Variants in FRMD4B observed in about 807,000 individuals in gnomAD.
The protein encoded by FRMD4B is FERM domain containing 4B, also known as FERM domain-containing protein 4B.
Under a neutral mutation model 141.5 loss-of-function variants are expected in FRMD4B, and 74 were observed. The ratio of observed to expected loss-of-function variants is 0.52; its 90% CI spans 0.43 to 0.63. The LOEUF (loss-of-function observed/expected upper bound fraction) is 0.63, where lower values mean the gene tolerates loss of function less well. FRMD4B is among the 30% of genes least tolerant of loss of function. The pLI, the probability that FRMD4B is intolerant of heterozygous loss-of-function variation, is 0.00. For synonymous variants in FRMD4B, 506 were observed against 467.9 expected, an observed-to-expected ratio of 1.08 and a Z score of -1.05; for missense variants, 1,366 against 1,253.4, an observed-to-expected ratio of 1.09 and a Z score of -1.36.
chr3:69,480,470 C>T (rs1575585453), intron 1 of FRMD4B, among the ~76,000 whole-genome samples: 3 of 152,316 alleles, frequency 2.0e-5, no homozygotes, highest in Admixed American at 6.5e-5. Context: ...GCCAGAGGTC[C>T]ACTCCGGACG....
intron 1 of FRMD4B, among the ~76,000 whole-genome samples, chr3:69,522,246 G>A (rs991648218): frequency 2.0e-5 from 3 of 151,926 alleles, no homozygotes; most frequent in African/African-American, 7.3e-5. Context: ...ATCTGATGCA[G>A]GTCAGCTTGA....
rs777986635 is a variant in FRMD4B at position 69,182,593 on chromosome 3, C to G, written c.2039+5G>C. 19 of 1,604,412 alleles carry G rather than the reference C, an allele frequency of 1.2e-5. No individual in the cohort carries two copies. In the Admixed American group the frequency reaches 2.3e-4, roughly 20 times the overall value. On this transcript the variant is annotated splice_donor_5th_base_variant and intron_variant, in intron 20 of 22. Transcript: ENST00000398540. ...GCTAAAGCAATGAGAAAGAAGCTCT[C>G]TTACTCCAAGTGGCTGCTGCTGTAG...
At chr3:69,346,534 T>G (rs867318445) in intron 1 of FRMD4B, among the ~76,000 whole-genome samples, 17 of 152,212 alleles carry the variant, frequency 1.1e-4, no homozygotes, top group South Asian at 2.1e-4. Context: ...AATTGTCAGA[T>G]TCACCAAAGT....
rs201658155 is a variant in FRMD4B, at chr3:69,313,408, T to C, written c.228+44A>G. On this transcript the variant is annotated intron_variant, in intron 2 of 22. Transcript: ENST00000398540. ...TGTCCCCGTGAGGGTAAAACCTACCTGGGCAAGACTTATCTGGGCAACACA... is the reference window on the plus strand; with the variant it reads ...TGTCCCCGTGAGGGTAAAACCTACCCGGGCAAGACTTATCTGGGCAACACA... 1.3e-4 allele frequency: 175 copies of C among 1,379,570 alleles called. No individual in the cohort carries two copies. In the African/African-American group the frequency reaches 2.2e-3, roughly 17 times the overall value. The allele number at this position is 1,379,570 out of a possible 1,614,324, so 85.5% of individuals were successfully genotyped here.
At chr3:69,224,100 G>A (rs905586340) in intron 8 of FRMD4B, among the ~76,000 whole-genome samples, 1 of 151,986 alleles carries the variant, frequency 6.6e-6, no homozygotes, top group Non-Finnish European at 1.5e-5. Context: ...AAGGGAAAAC[G>A]TAATTTAGAA....
intron 1 of FRMD4B, among the ~76,000 whole-genome samples, chr3:69,469,919 C>T (rs1220187281): frequency 6.6e-6 from 1 of 152,146 alleles, no homozygotes; most frequent in East Asian, 1.9e-4. Context: ...TATAATTTCA[C>T]CAAATTGCTG....
Position 69,238,645 on chromosome 3 carries a change from G to A in FRMD4B, c.581+10581C>T, listed in dbSNP as rs145093518. Among the ~76,000 whole-genome samples the A allele has an allele frequency of 9.5e-4, 145 of 152,206 alleles. No homozygotes were observed. The Middle Eastern group carries it at 0.014, about 14-fold the overall frequency. ...TGGAAAATACAAAAATTAATCAGAC[G>A]TGGGGTACACACCTGTAGTCCCAGC... is the stretch of plus-strand genomic sequence containing the variant. On this transcript the variant is annotated intron_variant, in intron 7 of 22. Coordinates refer to ENST00000398540, the MANE Select transcript of FRMD4B (RefSeq NM_015123.3).
chr3:69,327,000 G>A (rs1252607842), intron 1 of FRMD4B, among the ~76,000 whole-genome samples: 2 of 152,104 alleles, frequency 1.3e-5, no homozygotes, highest in Non-Finnish European at 2.9e-5. Context: ...CACAGATACT[G>A]TAAACAGGAA....
At chr3:69,182,469 A>T in intron 20 of FRMD4B, 129 bp downstream of exon 20, 1 of 817,986 alleles carries the variant, frequency 1.2e-6, no homozygotes, top group Non-Finnish European at 1.9e-6. Flanking sequence ...TTAGCAGAAA[A>T]TGTAAAACCA....
At chr3:69,484,865 G>A (rs1027108390) in intron 1 of FRMD4B, among the ~76,000 whole-genome samples, 5 of 152,088 alleles carry the variant, frequency 3.3e-5, no homozygotes, top group Admixed American at 6.5e-5. Context: ...TCGTCCATGG[G>A]CAGCCATGGG....
chr3:69,471,487 A>T (rs1705891226), intron 1 of FRMD4B: 1 of 260,910 alleles, frequency 3.8e-6, no homozygotes, highest in Non-Finnish European at 7.6e-6. Context: ...GACCCCTTTT[A>T]AAAATAGGTA....
At chr3:69,259,530 C>T (rs772367549) in intron 5 of FRMD4B, among the ~76,000 whole-genome samples, 39 of 152,162 alleles carry the variant, frequency 2.6e-4, no homozygotes, top group Non-Finnish European at 2.4e-4. Context: ...CACTAATGTT[C>T]GCCATGTTGC....
intron 1 of FRMD4B, among the ~76,000 whole-genome samples, chr3:69,329,516 ATTTTTTTTTTTTTTTTT>A (rs10554375): frequency 3.6e-5 from 2 of 55,560 alleles, no homozygotes; most frequent in African/African-American, 5.9e-5. Flanking sequence ...TGCCCAGCTA[ATTTTTTTTTTTTTTTTT>A]TTTTTTTTTT....
chr3:69,455,619 A>C (rs959314267), intron 1 of FRMD4B, among the ~76,000 whole-genome samples: 2 of 152,192 alleles, frequency 1.3e-5, no homozygotes, highest in African/African-American at 4.8e-5. Context: ...AAGAACTGTA[A>C]TGCTCACTGC....
intron 1 of FRMD4B, among the ~76,000 whole-genome samples, chr3:69,499,856 C>T (rs1486292672): frequency 6.6e-6 from 1 of 152,200 alleles, no homozygotes; most frequent in East Asian, 1.9e-4. Context: ...TTAAAGAAGA[C>T]AGAGAGTCTA....
At chr3:69,522,485 A>G (rs563872774) in intron 1 of FRMD4B, among the ~76,000 whole-genome samples, 26 of 152,232 alleles carry the variant, frequency 1.7e-4, no homozygotes, top group Non-Finnish European at 3.4e-4. Context: ...CTCCTCCCCC[A>G]TACTCCAGCA....
At chr3:69,240,865 C>T (rs551686411) in intron 7 of FRMD4B, among the ~76,000 whole-genome samples, 15 of 152,314 alleles carry the variant, frequency 9.8e-5, no homozygotes, top group Admixed American at 3.3e-4. Flanking sequence ...TCTCACAGCT[C>T]CTGTAGACTC....
intron 5 of FRMD4B, among the ~76,000 whole-genome samples, chr3:69,283,717 T>C (rs1423690587): frequency 1.3e-5 from 2 of 152,148 alleles, no homozygotes; most frequent in African/African-American, 4.8e-5. Context: ...ATGAAACGTG[T>C]TCCTGACTCA....
At chr3:69,202,626 A>G (rs893286257) in intron 11 of FRMD4B, among the ~76,000 whole-genome samples, 10 of 152,188 alleles carry the variant, frequency 6.6e-5, no homozygotes. Context: ...ACCTACTAGA[A>G]GCTACGAGTT....
Sources: allele counts gnomAD v4.1 joint callset (sites outside exome capture counted in the v4.1 genomes callset), GRCh38; gene constraint gnomAD v4.1.1; transcripts MANE v1.5; gene names NCBI Gene and HGNC (gene_info 2026-07-23, HGNC 2026-07-21).